The following SYNE1 variants were observed in gnomAD, a reference collection of about 807,000 sequenced individuals.
SYNE1 encodes the protein spectrin repeat containing nuclear envelope protein 1, also known as nesprin-1.
SYNE1 carries 616 observed loss-of-function variants against 1,111.0 expected under a neutral mutation model. The ratio of observed to expected loss-of-function variants is 0.55; its 90% CI spans 0.52 to 0.59. The LOEUF (loss-of-function observed/expected upper bound fraction) is 0.59. Among genes scored for constraint, SYNE1 ranks in the 20% least tolerant of loss-of-function variants. The probability of loss-of-function intolerance (pLI) is 0.00; values close to 1 mark genes in which losing one functional copy is unlikely to be tolerated. For missense variants in SYNE1, 10,006 were observed against 10,417.0 expected, an observed-to-expected ratio of 0.96 and a Z score of 1.72; for synonymous variants, 3,855 against 3,825.8, an observed-to-expected ratio of 1.01 and a Z score of -0.28.
intron 14 of SYNE1, among the ~76,000 whole-genome samples, chr6:152,482,064 G>A (rs150330331): frequency 4.6e-5 from 7 of 152,112 alleles, no homozygotes; most frequent in Non-Finnish European, 8.8e-5. Flanking sequence ...AAGAGGAAAT[G>A]GAGGCAGGAC....
intron 129 of SYNE1, among the ~76,000 whole-genome samples, chr6:152,178,910 CTTTTT>C (rs750037655): frequency 8.7e-6 from 1 of 115,564 alleles, no homozygotes. Flanking sequence ...TCACCCAATT[CTTTTT>C]TTTTTTTTTT....
intron 47 of SYNE1, among the ~76,000 whole-genome samples, 176 bp downstream of exon 47, chr6:152,400,962 C>T (rs1429595774): frequency 6.6e-6 from 1 of 152,160 alleles, no homozygotes; most frequent in Non-Finnish European, 1.5e-5. Flanking sequence ...TTCTGAACAC[C>T]TGCACCCAGT....
At chr6:152,179,771 G>A (rs575945685) in intron 129 of SYNE1, among the ~76,000 whole-genome samples, 2 of 125,852 alleles carry the variant, frequency 1.6e-5, no homozygotes, top group Admixed American at 1.0e-4. Context: ...TGCAATCTCC[G>A]CCTTCTGGGT....
At chr6:152,495,677 C>T (rs1452596955) in intron 11 of SYNE1, among the ~76,000 whole-genome samples, 1 of 152,156 alleles carries the variant, frequency 6.6e-6, no homozygotes, top group Non-Finnish European at 1.5e-5. Context: ...GCTGTCATAA[C>T]CATTTTTCCT....
intron 73 of SYNE1, among the ~76,000 whole-genome samples, chr6:152,344,825 T>A (rs1484080591): frequency 6.6e-6 from 1 of 152,202 alleles, no homozygotes; most frequent in African/African-American, 2.4e-5. Flanking sequence ...ATTTAATTAA[T>A]TAATCCTTAA....
chr6:152,408,681 C>T (rs1280645229), intron 44 of SYNE1, among the ~76,000 whole-genome samples: 8 of 152,042 alleles, frequency 5.3e-5, no homozygotes, highest in South Asian at 2.1e-4. Context: ...CAGCTGGGTG[C>T]GGTGGCTCAC....
chr6:152,419,738 A>T lies in SYNE1; in HGVS notation c.5268-16T>A. The T allele has an allele frequency of 6.2e-7, 1 of 1,613,682 alleles. No individual in the cohort carries two copies. The highest frequency in any genetic ancestry group is 8.5e-7 in the Non-Finnish European group (1 of 1,179,668). ...AAAATTAATCCTATGTAGACAAAGT[A>T]TTAAAGTTAAAATGTCCCATAAGTA... On this transcript the variant is annotated splice_polypyrimidine_tract_variant and intron_variant, in intron 39 of 145. Coordinates refer to ENST00000367255, the MANE Select transcript of SYNE1 (RefSeq NM_182961.4).
chr6:152,489,466 T>TC (rs1367529482), intron 11 of SYNE1, among the ~76,000 whole-genome samples: 1 of 151,216 alleles, frequency 6.6e-6, no homozygotes, highest in Non-Finnish European at 1.5e-5. Flanking sequence ...TCTTTTTTTT[T>TC]TTTTTTTTTC....
intron 11 of SYNE1, among the ~76,000 whole-genome samples, chr6:152,495,119 A>G (rs1259625803): frequency 1.3e-5 from 2 of 152,088 alleles, no homozygotes; most frequent in African/African-American, 4.8e-5. Flanking sequence ...CCTTTCCATC[A>G]TGGAAATCTA....
At chr6:152,445,101 C>A (rs1243842370) in intron 29 of SYNE1, among the ~76,000 whole-genome samples, 2 of 151,814 alleles carry the variant, frequency 1.3e-5, no homozygotes, top group Non-Finnish European at 1.5e-5. Flanking sequence ...ACCCATTCAA[C>A]CTGGTAATCA....
chr6:152,242,314 C>G lies in SYNE1; in HGVS notation c.19819G>C (p.Glu6607Gln), dbSNP rs552717038. The change falls in exon 107 of 146, where the codon GAG becomes CAG. Residue 6607 changes from glutamate (E) to glutamine (Q), a missense_variant. Glu to Gln is a conservative substitution (Grantham distance 29). Transcript: ENST00000367255. ...DLADLLETGQEKMAGDQKIIV... is the reference protein window; with the variant it reads ...DLADLLETGQQKMAGDQKIIV... ...ATTTTCTGGTCTCCTGCCATCTTCT[C>G]CTGACCAGTTTCTAGCAGGTCAGCC... 2 of 1,614,074 alleles carry G rather than the reference C, an allele frequency of 1.2e-6. No homozygotes were observed. Among genetic ancestry groups the G allele is most frequent in the Non-Finnish European group, 8.5e-7 (1 of 1,180,014 alleles).
At position 152,371,917 on chromosome 6, in the gene SYNE1, G is replaced by GGAAA. The variant is rs2097196112; in HGVS notation, c.9507+1116_9507+1119dup. 8.0e-5 allele frequency among the ~76,000 whole-genome samples: 5 copies of GGAAA among 62,552 alleles called. 1 individual carries two copies. The highest frequency in any genetic ancestry group is 2.5e-4 in the African/African-American group (5 of 20,288). 41.0% of individuals were successfully genotyped at this position (62,552 alleles called of 152,430 possible). A position where few individuals can be genotyped will look rare whatever the true frequency, so the allele number is the denominator to read the frequency against. On this transcript the variant is annotated intron_variant, in intron 59 of 145. Coordinates refer to ENST00000367255, the MANE Select transcript of SYNE1 (RefSeq NM_182961.4). ...GGAAAGGAAAGGAAAGGAAAGGAAA[G>GGAAA]GAAAGGACAGGACAGGACAGGAAAG...
chr6:152,266,219 G>A (rs1001630553), intron 100 of SYNE1, among the ~76,000 whole-genome samples: 2 of 152,084 alleles, frequency 1.3e-5, no homozygotes, highest in Non-Finnish European at 2.9e-5. Context: ...ACAGTTGTTT[G>A]TATTTCATTT....
At chr6:152,242,501 A>G (rs1429949742) in intron 106 of SYNE1, 61 bp from the exon 107 acceptor site, 23 of 1,592,490 alleles carry the variant, frequency 1.4e-5, no homozygotes, top group Non-Finnish European at 1.9e-5. Flanking sequence ...CTCTAAAAGC[A>G]TATGAACTAT....
intron 59 of SYNE1, among the ~76,000 whole-genome samples, chr6:152,371,836 A>T (rs1477296517): frequency 2.9e-5 from 2 of 69,852 alleles, no homozygotes; most frequent in African/African-American, 1.0e-4. Context: ...AGGACAGGAC[A>T]GGACAGGACA....
rs139600654 is a variant in SYNE1 at position 152,628,309 on chromosome 6, G to A, written c.23C>T (p.Ser8Phe). The change falls in exon 3 of 146, where the codon TCC becomes TTC. Residue 8 changes from serine to phenylalanine, a missense_variant. Physicochemically the swap from Ser to Phe is radical, Grantham distance 155 (BLOSUM62 -2). Around this residue, in one of 7 missense-constraint regions of SYNE1, gnomAD observed 1,971 missense variants for 2,084.1 expected, o/e 0.95. Transcript: ENST00000367255. ...ATTGGCGATATCCCGAGGACACCGG[G>A]AGGCCCCTCTGGAGGTTGCCATGGT... Reference protein sequence around the residue: MATSRGASRCPRDIANVM... With the variant: MATSRGAFRCPRDIANVM... 3.5e-5 allele frequency: 57 copies of A among 1,614,052 alleles called. No homozygotes were observed. In the African/African-American group the frequency reaches 7.6e-4, roughly 22 times the overall value.
chr6:152,209,560 G>A (rs1212543063), intron 124 of SYNE1, among the ~76,000 whole-genome samples: 5 of 151,964 alleles, frequency 3.3e-5, no homozygotes, highest in African/African-American at 7.3e-5. Context: ...GACCAGCCTG[G>A]CCAACATGGC....
intron 127 of SYNE1, among the ~76,000 whole-genome samples, chr6:152,194,917 TTTTTTTA>T (rs961126986): frequency 2.0e-5 from 3 of 151,436 alleles, no homozygotes; most frequent in Non-Finnish European, 4.4e-5. Flanking sequence ...CTTACATTTA[TTTTTTTA>T]TTTTTTATTT....
intron 138 of SYNE1, among the ~76,000 whole-genome samples, chr6:152,142,191 C>A (rs116203704): frequency 6.6e-6 from 1 of 152,128 alleles, no homozygotes; most frequent in Non-Finnish European, 1.5e-5. Context: ...TGATTTTGCA[C>A]GAGAAGTCCT....
Sources: gnomAD v4.1 joint callset for allele counts (sites outside exome capture counted in the v4.1 genomes callset) on GRCh38, gnomAD v4.1.1 for gene constraint, gnomAD v4.1.1 regional missense constraint, MANE v1.5 for transcripts, NCBI Gene and HGNC (gene_info 2026-07-23, HGNC 2026-07-21) for gene names.